Variants in GULP1 observed in about 807,000 individuals in gnomAD.
GULP1 encodes GULP PTB domain containing engulfment adaptor 1.
GULP1 carries 19 observed loss-of-function variants against 40.9 expected under a neutral mutation model. The ratio of observed to expected loss-of-function variants is 0.46; its 90% CI spans 0.32 to 0.68. GULP1 has a LOEUF of 0.68. GULP1 is among the 30% of genes least tolerant of loss of function. The pLI, the probability that GULP1 is intolerant of heterozygous loss-of-function variation, is 0.03. For synonymous variants in GULP1, 119 were observed against 117.6 expected (o/e 1.01, Z -0.08); for missense variants, 312 against 362.2 (o/e 0.86, Z 1.12).
At chr2:188,527,205 CA>C (rs1217080156) in intron 5 of GULP1, among the ~76,000 whole-genome samples, 2 of 151,910 alleles carry the variant, frequency 1.3e-5, no homozygotes, top group African/African-American at 2.4e-5. Context: ...GTAGATGTTT[CA>C]GGGGGAAAAA....
intron 1 of GULP1, among the ~76,000 whole-genome samples, chr2:188,337,282 G>A (rs1415446456): frequency 1.3e-5 from 2 of 151,806 alleles, no homozygotes; most frequent in Non-Finnish European, 1.5e-5. Flanking sequence ...GGGATTACAG[G>A]CATGCGCCAC....
intron 2 of GULP1, among the ~76,000 whole-genome samples, chr2:188,434,082 A>G (rs1407564627): frequency 2.0e-5 from 3 of 151,996 alleles, no homozygotes; most frequent in Non-Finnish European, 4.4e-5. Context: ...AGGTGATAGT[A>G]TAAGAAGAGC....
intron 5 of GULP1, among the ~76,000 whole-genome samples, chr2:188,525,518 A>G (rs1301311582): frequency 6.6e-6 from 1 of 152,178 alleles, no homozygotes; most frequent in Non-Finnish European, 1.5e-5. Context: ...TTTAATAGTG[A>G]TTTATATATA....
intron 4 of GULP1, among the ~76,000 whole-genome samples, chr2:188,519,976 T>C (rs1386426081): frequency 6.6e-6 from 1 of 152,200 alleles, no homozygotes; most frequent in African/African-American, 2.4e-5. Context: ...AACGCCCCTA[T>C]GATTCTGTCA....
intron 4 of GULP1, among the ~76,000 whole-genome samples, chr2:188,507,201 A>G (rs1043414456): frequency 2.0e-5 from 3 of 151,906 alleles, no homozygotes; most frequent in African/African-American, 7.2e-5. Flanking sequence ...TACCTGCTTT[A>G]TAAAATGCTA....
At chr2:188,349,771 G>C (rs924600593) in intron 1 of GULP1, among the ~76,000 whole-genome samples, 16 of 151,976 alleles carry the variant, frequency 1.1e-4, no homozygotes, top group Admixed American at 9.2e-4. Context: ...TCATATGTGG[G>C]AAACTATTGC....
intron 1 of GULP1, among the ~76,000 whole-genome samples, chr2:188,352,458 C>T (rs1052483181): frequency 1.3e-5 from 2 of 152,098 alleles, no homozygotes; most frequent in South Asian, 4.1e-4. Context: ...GGCCTTTGTA[C>T]TCAGACTGAA....
chr2:188,381,061 C>T (rs1559172597), intron 1 of GULP1, among the ~76,000 whole-genome samples: 2 of 151,906 alleles, frequency 1.3e-5, no homozygotes, highest in Non-Finnish European at 2.9e-5. Flanking sequence ...TTTTAAGAAG[C>T]ATTTGAATTG....
At chr2:188,521,016 G>T (rs1438955722) in intron 4 of GULP1, among the ~76,000 whole-genome samples, 1 of 151,780 alleles carries the variant, frequency 6.6e-6, no homozygotes, top group Non-Finnish European at 1.5e-5. Context: ...ACATGAAAAA[G>T]ATTCCACTTA....
intron 1 of GULP1, among the ~76,000 whole-genome samples, chr2:188,358,819 T>C (rs547650739): frequency 6.6e-6 from 1 of 152,242 alleles, no homozygotes; most frequent in South Asian, 2.1e-4. Context: ...ACACCTGTTG[T>C]AATAGTCATT....
chr2:188,452,787 C>A (rs961102740), intron 2 of GULP1, among the ~76,000 whole-genome samples: 1 of 152,070 alleles, frequency 6.6e-6, no homozygotes, highest in Admixed American at 6.6e-5. Context: ...TAACAGAATT[C>A]TTGTTTCTAG....
intron 1 of GULP1, among the ~76,000 whole-genome samples, chr2:188,322,042 A>G (rs2040066625): frequency 6.6e-6 from 1 of 152,130 alleles, no homozygotes; most frequent in Non-Finnish European, 1.5e-5. Flanking sequence ...AAATAAATAA[A>G]TAAATGAATA....
At chr2:188,507,826 G>A (rs1328765421) in intron 4 of GULP1, among the ~76,000 whole-genome samples, 2 of 151,852 alleles carry the variant, frequency 1.3e-5, no homozygotes, top group Non-Finnish European at 2.9e-5. Context: ...AGTGCACAGA[G>A]TCAAGGCTCA....
chr2:188,387,886 T>A lies in GULP1; in HGVS notation c.-45+3997T>A. Reference sequence around the variant, plus strand: ...AAGAAGTTTTTTTTTTAAATTTTTTTGTTATTATTATACTTTAAGTTTTAG... The same window carrying A: ...AAGAAGTTTTTTTTTTAAATTTTTTAGTTATTATTATACTTTAAGTTTTAG... On this transcript the variant is annotated intron_variant, in intron 2 of 11. Transcript: ENST00000409830. Among the ~76,000 whole-genome samples, 2 of 152,210 alleles carry A rather than the reference T, an allele frequency of 1.3e-5. 1 individual carries two copies.
At chr2:188,480,770 AT>A (rs1479533169) in intron 3 of GULP1, among the ~76,000 whole-genome samples, 1 of 151,912 alleles carries the variant, frequency 6.6e-6, no homozygotes, top group African/African-American at 2.4e-5. Flanking sequence ...AAGTATAAAA[AT>A]AACATGTGAA....
chr2:188,502,816 A>G (rs2153163392), intron 4 of GULP1, among the ~76,000 whole-genome samples: 1 of 151,964 alleles, frequency 6.6e-6, no homozygotes, highest in East Asian at 1.9e-4. Context: ...AAGAACAAAA[A>G]TTTATTTCTC....
chr2:188,499,135 GTA>G (rs893185238), intron 4 of GULP1, among the ~76,000 whole-genome samples: 1,740 of 56,248 alleles, frequency 0.031, 13 homozygotes, highest in South Asian at 0.11. Flanking sequence ...ATATGTGTGT[GTA>G]TATATATATA....
intron 2 of GULP1, among the ~76,000 whole-genome samples, chr2:188,438,705 G>C: frequency 6.6e-6 from 1 of 151,622 alleles, no homozygotes; most frequent in East Asian, 1.9e-4. Flanking sequence ...AAATAAACTT[G>C]CATGAAAAAA....
intron 4 of GULP1, among the ~76,000 whole-genome samples, chr2:188,505,763 A>G (rs2153178484): frequency 6.6e-6 from 1 of 151,984 alleles, no homozygotes; most frequent in Admixed American, 6.6e-5. Flanking sequence ...TGAACTGGAG[A>G]TAAGTAAATT....
Sources: allele counts gnomAD v4.1 joint callset (sites outside exome capture counted in the v4.1 genomes callset), GRCh38; gene constraint gnomAD v4.1.1; transcripts MANE v1.5; gene names NCBI Gene and HGNC (gene_info 2026-07-23, HGNC 2026-07-21).